ABI3BP: variants seen among roughly 807,000 people sequenced by gnomAD.
ABI3BP encodes target of Nesh-SH3.
In ABI3BP, 216 loss-of-function variants were observed where a neutral mutation model predicts 268.6. The observed-to-expected ratio is 0.80, with a 90% CI of 0.72 to 0.90. The LOEUF is 0.90. Ranked by LOEUF, ABI3BP falls within the 40% of genes least tolerant of loss-of-function variation. The probability of loss-of-function intolerance (pLI) is 0.00; values close to 1 mark genes in which losing one functional copy is unlikely to be tolerated. For synonymous variants in ABI3BP, 730 were observed against 730.0 expected, an observed-to-expected ratio of 1.00 and a Z score of 0.00; for missense variants, 2,090 against 2,182.4, an observed-to-expected ratio of 0.96 and a Z score of 0.84.
intron 67 of ABI3BP, among the ~76,000 whole-genome samples, chr3:100,751,232 A>G (rs994172099): frequency 2.6e-5 from 4 of 152,204 alleles, no homozygotes; most frequent in African/African-American, 9.6e-5. Context: ...AAGGAAATAA[A>G]AATAACGCAA....
chr3:100,856,811 C>T (rs1447025337), intron 14 of ABI3BP, among the ~76,000 whole-genome samples: 1 of 152,196 alleles, frequency 6.6e-6, no homozygotes, highest in Non-Finnish European at 1.5e-5. Context: ...AAGTCGTGCA[C>T]ACACCCATCT....
chr3:100,755,527 C>T (rs1445873469), intron 63 of ABI3BP, among the ~76,000 whole-genome samples: 1 of 152,266 alleles, frequency 6.6e-6, no homozygotes, highest in South Asian at 2.1e-4. Context: ...AAATTCATAT[C>T]GGCCAGTCCC....
At chr3:100,808,285 A>G (rs1310002040) in intron 49 of ABI3BP, 50 bp from the exon 50 acceptor site, 1 of 1,407,204 alleles carries the variant, frequency 7.1e-7, no homozygotes, top group African/African-American at 1.4e-5. Context: ...CAAGAATGAC[A>G]GTACCTAAGC....
chr3:100,785,669 T>C (rs1333870926), intron 57 of ABI3BP, among the ~76,000 whole-genome samples: 3 of 152,152 alleles, frequency 2.0e-5, no homozygotes. Context: ...AGGAGAAAAG[T>C]GTTTAGTCTT....
At chr3:100,826,957 G>A (rs1211262953) in intron 34 of ABI3BP, among the ~76,000 whole-genome samples, 1 of 152,100 alleles carries the variant, frequency 6.6e-6, no homozygotes, top group Non-Finnish European at 1.5e-5. Context: ...GCTGACCCTA[G>A]AAGCAGGATC....
chr3:100,790,182 A>G (rs753855654), intron 55 of ABI3BP, among the ~76,000 whole-genome samples: 16 of 152,114 alleles, frequency 1.1e-4, no homozygotes, highest in Middle Eastern at 6.8e-3. Context: ...AAGGCATCCT[A>G]ATGAAGACTT....
At chr3:100,825,672 T>C in intron 35 of ABI3BP, 113 bp downstream of exon 35, 3 of 822,310 alleles carry the variant, frequency 3.6e-6, no homozygotes, top group Non-Finnish European at 6.0e-6. Flanking sequence ...GGCAGTGATG[T>C]TTGCTATTTT....
intron 66 of ABI3BP, among the ~76,000 whole-genome samples, chr3:100,752,020 C>G (rs2095359802): frequency 1.3e-5 from 2 of 152,214 alleles, no homozygotes; most frequent in African/African-American, 4.8e-5. Flanking sequence ...ACTGGTGGAA[C>G]TGGCCAGGTG....
At chr3:100,818,307 G>A (rs1036409311) in intron 41 of ABI3BP, among the ~76,000 whole-genome samples, 1 of 152,176 alleles carries the variant, frequency 6.6e-6, no homozygotes, top group African/African-American at 2.4e-5. Context: ...CACATTGAAC[G>A]GTTAAAAGCA....
intron 2 of ABI3BP, among the ~76,000 whole-genome samples, chr3:100,909,104 C>T (rs559516685): frequency 3.1e-4 from 47 of 152,236 alleles, no homozygotes; most frequent in Middle Eastern, 6.8e-3. Context: ...AATAACAGCA[C>T]GCATCTACAA....
At chr3:100,754,214 T>G (rs533345647) in intron 64 of ABI3BP, among the ~76,000 whole-genome samples, 1 of 152,230 alleles carries the variant, frequency 6.6e-6, no homozygotes, top group African/African-American at 2.4e-5. Flanking sequence ...TATGCAAATA[T>G]TAATGCTGTA....
At chr3:100,798,478 A>G (rs2097423326) in intron 51 of ABI3BP, among the ~76,000 whole-genome samples, 1 of 152,026 alleles carries the variant, frequency 6.6e-6, no homozygotes, top group Non-Finnish European at 1.5e-5. Context: ...TACATCTTTC[A>G]TGCTGGGAGA....
chr3:100,759,195 T>TAC (rs1295585854), intron 63 of ABI3BP, among the ~76,000 whole-genome samples: 5 of 152,316 alleles, frequency 3.3e-5, no homozygotes, highest in Non-Finnish European at 5.9e-5. Flanking sequence ...AGCCGAGTTT[T>TAC]ACCCCTAGTG....
intron 2 of ABI3BP, among the ~76,000 whole-genome samples, chr3:100,912,609 A>C (rs1206759024): frequency 6.6e-6 from 1 of 152,166 alleles, no homozygotes; most frequent in African/African-American, 2.4e-5. Flanking sequence ...TCTGATTTGC[A>C]TCTGTAAGTG....
At chr3:100,980,095 G>C (rs73144938) in intron 1 of ABI3BP, among the ~76,000 whole-genome samples, 1 of 152,284 alleles carries the variant, frequency 6.6e-6, no homozygotes, top group Non-Finnish European at 1.5e-5. Context: ...CTGAAAGACT[G>C]TCTATAAAGA....
chr3:100,885,411 G>C, intron 6 of ABI3BP, 125 bp downstream of exon 6: 1 of 480,356 alleles, frequency 2.1e-6, no homozygotes, highest in Admixed American at 4.0e-5. Flanking sequence ...CTAAAACTAA[G>C]TACTTTCTCC....
intron 2 of ABI3BP, among the ~76,000 whole-genome samples, chr3:100,919,318 A>G (rs1486413957): frequency 6.6e-6 from 1 of 152,078 alleles, no homozygotes. Flanking sequence ...CTATTATTTT[A>G]TATTTCATCC....
intron 1 of ABI3BP, among the ~76,000 whole-genome samples, chr3:100,985,305 A>G (rs1385386981): frequency 3.3e-5 from 5 of 151,696 alleles, no homozygotes; most frequent in Non-Finnish European, 4.4e-5. Flanking sequence ...ACGTGCCACC[A>G]TGCCCGGCTA....
chr3:100,906,661 T>C (rs1159625299), intron 2 of ABI3BP, among the ~76,000 whole-genome samples: 2 of 152,254 alleles, frequency 1.3e-5, no homozygotes, highest in Non-Finnish European at 2.9e-5. Context: ...GTTAATTCTA[T>C]ACAATGTTGC....
Sources: allele counts gnomAD v4.1 joint callset (sites outside exome capture counted in the v4.1 genomes callset), GRCh38; gene constraint gnomAD v4.1.1; transcripts MANE v1.5; gene names NCBI Gene and HGNC (gene_info 2026-07-23, HGNC 2026-07-21).